Variants in TRIM38 observed in about 807,000 individuals in gnomAD.
TRIM38 encodes tripartite motif containing 38.
A neutral mutation model predicts 35.8 loss-of-function variants in TRIM38; 35 were observed. That is an observed-to-expected ratio of 0.98 (90% CI 0.75 to 1.30). The LOEUF is 1.30. TRIM38 is among the 50% of genes most tolerant of loss of function. TRIM38 has a pLI of 0.00. For synonymous variants in TRIM38, 198 were observed against 204.7 expected (o/e 0.97, Z 0.28); for missense variants, 545 against 556.9 (o/e 0.98, Z 0.21).
chr6:25,966,983 TC>T, intron 3 of TRIM38, 50 bp downstream of exon 3: 1 of 1,513,300 alleles, frequency 6.6e-7, no homozygotes, highest in Non-Finnish European at 8.9e-7. Flanking sequence ...CTTATCCTGC[TC>T]CCCAGGAGCT....
chr6:25,970,124 G>T (rs1760185314), intron 4 of TRIM38, among the ~76,000 whole-genome samples: 1 of 151,850 alleles, frequency 6.6e-6, no homozygotes, highest in African/African-American at 2.4e-5. Flanking sequence ...CACCATGTTG[G>T]CCAGGATGGT....
intron 7 of TRIM38, among the ~76,000 whole-genome samples, chr6:25,981,661 G>A (rs1760548909): frequency 6.6e-6 from 1 of 152,216 alleles, no homozygotes; most frequent in African/African-American, 2.4e-5. Flanking sequence ...AACATTATCT[G>A]AGGGGAAAGA....
At chr6:25,974,512 C>A (rs1760334668) in intron 7 of TRIM38, among the ~76,000 whole-genome samples, 1 of 152,196 alleles carries the variant, frequency 6.6e-6, no homozygotes, top group South Asian at 2.1e-4. Context: ...TGCTCACACT[C>A]AAAGACAAGG....
At chr6:25,974,530 C>T (rs901916234) in intron 7 of TRIM38, among the ~76,000 whole-genome samples, 5 of 152,172 alleles carry the variant, frequency 3.3e-5, no homozygotes, top group Admixed American at 1.3e-4. Flanking sequence ...AGGAATTTTA[C>T]GAGGGTGTGA....
intron 2 of TRIM38, among the ~76,000 whole-genome samples, chr6:25,964,186 G>A (rs752436872): frequency 6.6e-6 from 1 of 152,036 alleles, no homozygotes; most frequent in Non-Finnish European, 1.5e-5. Flanking sequence ...GCCAATGGGG[G>A]TAGATACTTA....
At chr6:25,972,814 G>A (rs1269679570) in intron 5 of TRIM38, among the ~76,000 whole-genome samples, 4 of 152,208 alleles carry the variant, frequency 2.6e-5, no homozygotes, top group Admixed American at 6.5e-5. Flanking sequence ...TGCAAATGTT[G>A]ATAAACATCC....
At chr6:25,967,962 G>A (rs916064061) in intron 3 of TRIM38, among the ~76,000 whole-genome samples, 1 of 152,278 alleles carries the variant, frequency 6.6e-6, no homozygotes, top group South Asian at 2.1e-4. Context: ...GCTTGGTTGT[G>A]GAAGGTGAAG....
At chr6:25,970,123 G>T (rs368068060) in intron 4 of TRIM38, among the ~76,000 whole-genome samples, 1 of 151,986 alleles carries the variant, frequency 6.6e-6, no homozygotes, top group Admixed American at 6.5e-5. Context: ...TCACCATGTT[G>T]GCCAGGATGG....
intron 4 of TRIM38, among the ~76,000 whole-genome samples, chr6:25,969,858 C>T (rs1051380890): frequency 6.6e-6 from 1 of 152,066 alleles, no homozygotes; most frequent in Non-Finnish European, 1.5e-5. Flanking sequence ...CAGGATCACT[C>T]CAGATTGAAA....
intron 5 of TRIM38, among the ~76,000 whole-genome samples, chr6:25,972,431 A>G (rs1305843707): frequency 6.6e-6 from 1 of 152,160 alleles, no homozygotes; most frequent in Non-Finnish European, 1.5e-5. Flanking sequence ...AAAATGAGTG[A>G]TAACCTTTTC....
Position 25,983,566 on chromosome 6 carries a change from A to G in TRIM38, c.1277A>G (p.Tyr426Cys). 6.2e-7 allele frequency: 1 copy of G among 1,614,084 alleles called. No individual in the cohort carries two copies. Among genetic ancestry groups the G allele is most frequent in the Non-Finnish European group, 8.5e-7 (1 of 1,180,032 alleles). Residue 426 changes from tyrosine to cysteine, a missense_variant, in exon 8 of 8, where the codon TAT becomes TGT. Transcript: ENST00000357085. ...LDYEAGVVSF[Y>C]NGNTGCHIFT... ...TATGAGGCCGGAGTTGTATCCTTTT[A>G]TAACGGGAATACTGGCTGCCACATC... is the stretch of plus-strand genomic sequence containing the variant.
intron 3 of TRIM38, 103 bp from the exon 4 acceptor site, chr6:25,969,222 T>TA: frequency 2.4e-6 from 2 of 839,068 alleles, no homozygotes; most frequent in Non-Finnish European, 1.9e-6. Context: ...ACTCTATAAA[T>TA]ATTCACTATT....
In TRIM38 at chr6:25,971,863, C is replaced by G. The variant is rs770057928; in HGVS notation, c.508-6C>G. 1.9e-6 allele frequency: 3 copies of G among 1,612,664 alleles called. No individual in the cohort carries two copies. Among genetic ancestry groups the G allele is most frequent in the Non-Finnish European group, 2.5e-6 (3 of 1,178,780 alleles). The stretch of plus-strand genomic sequence containing the variant: ...CCACCTTTTGACCATACTTTCTTGA[C>G]TCCAGGAGAAGGTACAGATTCAGAG... On this transcript the variant is annotated splice_polypyrimidine_tract_variant and splice_region_variant and intron_variant, in intron 4 of 7. Coordinates refer to ENST00000357085, the MANE Select transcript of TRIM38 (RefSeq NM_006355.5).
At chr6:25,969,263 C>T in intron 3 of TRIM38, 62 bp from the exon 4 acceptor site, 2 of 1,191,038 alleles carry the variant, frequency 1.7e-6, no homozygotes, top group Non-Finnish European at 2.5e-6. Context: ...ATTGGGATTC[C>T]CCCTAGGTCC....
chr6:25,981,148 A>G (rs1581609457), intron 7 of TRIM38, among the ~76,000 whole-genome samples: 1 of 152,224 alleles, frequency 6.6e-6, no homozygotes, highest in East Asian at 1.9e-4. Flanking sequence ...AGGGAGCTGT[A>G]ACTATACTAG....
rs1554143882 is a variant in TRIM38, at chr6:25,988,496, C to CTTTCTTTTTTTTTTTTTTTT, written c.*4812_*4813insCTTTTTTTTTTTTTTTTTTT. 1.6e-5 allele frequency: 1 copy of CTTTCTTTTTTTTTTTTTTTT among 63,054 alleles called. No individual in the cohort carries two copies. The highest frequency in any genetic ancestry group is 2.7e-5 in the Non-Finnish European group (1 of 37,380). The allele number at this position is 63,054 out of a possible 1,614,324, so 3.9% of individuals were successfully genotyped here. On this transcript the variant is annotated 3_prime_UTR_variant, in exon 8 of 8. Coordinates refer to ENST00000357085, the MANE Select transcript of TRIM38 (RefSeq NM_006355.5). The stretch of plus-strand genomic sequence containing the variant: ...TTTCTTTTTCTTTTTTCTTTTCTTT[C>CTTTCTTTTTTTTTTTTTTTT]TTTTTTTTTTTTTTTTTGAGACAGA...
intron 7 of TRIM38, among the ~76,000 whole-genome samples, chr6:25,981,255 C>T (rs903536701): frequency 6.6e-6 from 1 of 152,240 alleles, no homozygotes; most frequent in African/African-American, 2.4e-5. Context: ...GCCCTATGGT[C>T]TCCTCTGGTG....
At chr6:25,968,306 C>T (rs1292473524) in intron 3 of TRIM38, among the ~76,000 whole-genome samples, 2 of 152,100 alleles carry the variant, frequency 1.3e-5, no homozygotes, top group Non-Finnish European at 2.9e-5. Flanking sequence ...TACTTTTCCA[C>T]CAAGTAGTAA....
rs1760806047 is a variant in TRIM38, at chr6:25,990,384, C to T, written c.*6697C>T. 1.3e-5 allele frequency: 2 copies of T among 152,302 alleles called. No individual in the cohort carries two copies. Among genetic ancestry groups the T allele is most frequent in the Non-Finnish European group, 2.9e-5 (2 of 68,140 alleles). 9.4% of individuals were successfully genotyped at this position (152,302 alleles called of 1,614,324 possible). On this transcript the variant is annotated 3_prime_UTR_variant, in exon 8 of 8. Coordinates refer to ENST00000357085, the MANE Select transcript of TRIM38 (RefSeq NM_006355.5). ...AGTGCAGTGGCAAGATCAGGGCTCA[C>T]TGCAGCCTTGACTGCCTAGGCTCAA...
Sources: gnomAD v4.1 joint callset for allele counts (sites outside exome capture counted in the v4.1 genomes callset) on GRCh38, gnomAD v4.1.1 for gene constraint, MANE v1.5 for transcripts, NCBI Gene and HGNC (gene_info 2026-07-23, HGNC 2026-07-21) for gene names.